USP53: variants seen among roughly 807,000 people sequenced by gnomAD.
USP53 encodes ubiquitin carboxyl-terminal hydrolase 53.
In USP53, 71 loss-of-function variants were observed where a neutral mutation model predicts 94.9. The ratio of observed to expected loss-of-function variants is 0.75; its 90% CI spans 0.62 to 0.91. The LOEUF (loss-of-function observed/expected upper bound fraction) is 0.91, where lower values mean the gene tolerates loss of function less well. USP53 is among the 40% of genes least tolerant of loss of function. USP53 has a pLI of 0.00. For synonymous variants in USP53, 375 were observed against 422.7 expected, an observed-to-expected ratio of 0.89 and a Z score of 1.39; for missense variants, 1,173 against 1,281.0, an observed-to-expected ratio of 0.92 and a Z score of 1.29.
intron 3 of USP53, among the ~76,000 whole-genome samples, chr4:119,231,675 G>C (rs1746096464): frequency 6.6e-6 from 1 of 152,136 alleles, no homozygotes; most frequent in Non-Finnish European, 1.5e-5. Context: ...TACAGTGAAA[G>C]GATATAAAGC....
intron 14 of USP53, 130 bp downstream of exon 14, chr4:119,268,550 T>G: frequency 1.1e-6 from 1 of 932,346 alleles, no homozygotes; most frequent in Non-Finnish European, 1.5e-6. Flanking sequence ...AAAATTCGTC[T>G]TTTGATTTAT....
rs1175894917 is a variant in USP53, at chr4:119,292,754, C to T, written c.2765C>T (p.Pro922Leu). 1 of 1,614,022 alleles carries T rather than the reference C, an allele frequency of 6.2e-7. No homozygotes were observed. The highest frequency in any genetic ancestry group is 1.3e-5 in the African/African-American group (1 of 74,992). ...AAACTTTTTTGCCAGAATCTACCACCCCCTTTGCCACCAAAGAAATATGCT... is the reference window on the plus strand; with the variant it reads ...AAACTTTTTTGCCAGAATCTACCACTCCCTTTGCCACCAAAGAAATATGCT... Reference protein sequence around the residue: ...MPKLFCQNLPPPLPPKKYAIT... With the variant: ...MPKLFCQNLPLPLPPKKYAIT... Residue 922 changes from proline (P) to leucine (L), a missense_variant, in exon 19 of 19, where the codon CCC (proline) becomes CTC (leucine). Coordinates refer to ENST00000692078, the MANE Select transcript of USP53 (RefSeq NM_001371395.1).
chr4:119,284,303 A>C (rs1039221680), intron 17 of USP53, among the ~76,000 whole-genome samples: 3 of 151,606 alleles, frequency 2.0e-5, no homozygotes, highest in Non-Finnish European at 3.0e-5. Flanking sequence ...AAAAAAAAAA[A>C]CCCTATTATT....
intron 7 of USP53, among the ~76,000 whole-genome samples, chr4:119,250,218 C>G (rs778964426): frequency 2.6e-5 from 4 of 152,030 alleles, no homozygotes; most frequent in Admixed American, 2.6e-4. Context: ...CTACTAGCAG[C>G]CTTTGCTCAA....
Position 119,294,548 on chromosome 4 carries a change from C to T in USP53, c.*1337C>T, listed in dbSNP as rs894638469. ...GGTTTAGAATAGTTTTATGTTCACT[C>T]CTGATAACTGAGAAACAGAACTAAA... is the stretch of plus-strand genomic sequence containing the variant. On this transcript the variant is annotated 3_prime_UTR_variant, in exon 19 of 19. Coordinates refer to ENST00000692078, the MANE Select transcript of USP53 (RefSeq NM_001371395.1). 6 of 152,056 alleles carry T rather than the reference C, an allele frequency of 3.9e-5. No homozygotes were observed. The highest frequency in any genetic ancestry group is 5.9e-5 in the Non-Finnish European group (4 of 67,950). The allele number at this position is 152,056 out of a possible 1,614,324, so 9.4% of individuals were successfully genotyped here.
intron 2 of USP53, among the ~76,000 whole-genome samples, chr4:119,215,739 T>C (rs1236276838): frequency 2.6e-5 from 4 of 152,318 alleles, no homozygotes; most frequent in Middle Eastern, 6.8e-3. Context: ...TACAAACCAT[T>C]GCATCTGGCT....
rs1561276801 is a variant in USP53, at chr4:119,259,807, T to C, written c.570-13T>C. The C allele has an allele frequency of 6.2e-7, 1 of 1,603,026 alleles. No homozygotes were observed. Among genetic ancestry groups the C allele is most frequent in the Non-Finnish European group, 8.5e-7 (1 of 1,174,780 alleles). ...TTCATAGGCCAGATTTGGGATTGCTTCTTTTTTTGTAGCAATGAGGTTGAA... is the reference window on the plus strand; with the variant it reads ...TTCATAGGCCAGATTTGGGATTGCTCCTTTTTTTGTAGCAATGAGGTTGAA... On this transcript the variant is annotated splice_polypyrimidine_tract_variant and intron_variant, in intron 9 of 18. Coordinates refer to ENST00000692078, the MANE Select transcript of USP53 (RefSeq NM_001371395.1).
intron 3 of USP53, chr4:119,220,763 C>T (rs529108561): frequency 6.6e-6 from 1 of 152,166 alleles, no homozygotes; most frequent in African/African-American, 2.4e-5. Context: ...ACACTTGTTA[C>T]AGATAGGTAC....
intron 2 of USP53, among the ~76,000 whole-genome samples, chr4:119,214,747 T>C (rs1167321520): frequency 6.6e-6 from 1 of 152,142 alleles, no homozygotes. Context: ...TTTGGTACCA[T>C]ATGGTTTACA....
intron 12 of USP53, among the ~76,000 whole-genome samples, chr4:119,266,657 G>A (rs1190034364): frequency 6.6e-6 from 1 of 151,486 alleles, no homozygotes; most frequent in Non-Finnish European, 1.5e-5. Flanking sequence ...TCTTATTAAT[G>A]TGTTGTAGGA....
In USP53 at chr4:119,295,040, G is replaced by T. The variant is rs1358826587; in HGVS notation, c.*1829G>T. The T allele has an allele frequency of 2.0e-5, 3 of 148,888 alleles. No homozygotes were observed. The highest frequency in any genetic ancestry group is 2.0e-4 in the East Asian group (1 of 5,114). The allele number at this position is 148,888 out of a possible 1,614,324, so 9.2% of individuals were successfully genotyped here. On this transcript the variant is annotated 3_prime_UTR_variant, in exon 19 of 19. Transcript: ENST00000692078. ...TTTAATAGCTTTCACAGTTTGTGTA[G>T]TTTTTTTTTTCTATTTGGTTAAGAT... is the stretch of plus-strand genomic sequence containing the variant.
chr4:119,272,556 GAC>G (rs1752002915), intron 16 of USP53: 1 of 152,850 alleles, frequency 6.5e-6, no homozygotes, highest in African/African-American at 2.4e-5. Context: ...TGGGACTACA[GAC>G]ACGCACCACC....
chr4:119,292,260 A>G, intron 18 of USP53, 78 bp from the exon 19 acceptor site: 1 of 1,405,170 alleles, frequency 7.1e-7, no homozygotes, highest in East Asian at 2.5e-5. Context: ...ATCAAACTAC[A>G]AAACAAATGT....
At chr4:119,283,140 T>C (rs1753698628) in intron 17 of USP53, among the ~76,000 whole-genome samples, 1 of 151,980 alleles carries the variant, frequency 6.6e-6, no homozygotes, top group Admixed American at 6.6e-5. Context: ...TTTGGGAACA[T>C]TGTTTAAATT....
At chr4:119,263,803 G>A (rs1412107927) in intron 12 of USP53, among the ~76,000 whole-genome samples, 1 of 152,108 alleles carries the variant, frequency 6.6e-6, no homozygotes, top group Non-Finnish European at 1.5e-5. Flanking sequence ...TGGTCACGGG[G>A]GCTCATGCCT....
At chr4:119,264,587 G>A (rs1750890569) in intron 12 of USP53, among the ~76,000 whole-genome samples, 3 of 152,140 alleles carry the variant, frequency 2.0e-5, no homozygotes. Context: ...ATGATATTCA[G>A]TACATCATTA....
chr4:119,246,882 A>G (rs1399225266), intron 6 of USP53, among the ~76,000 whole-genome samples: 1 of 152,192 alleles, frequency 6.6e-6, no homozygotes, highest in African/African-American at 2.4e-5. Context: ...CATTTTAGAG[A>G]TAAATGTTTC....
At chr4:119,291,401 G>C (rs755928719) in intron 18 of USP53, 140 bp downstream of exon 18, 248 of 495,716 alleles carry the variant, frequency 5.0e-4, no homozygotes, top group Non-Finnish European at 6.4e-4. Flanking sequence ...TTAATACAAT[G>C]TGGATCTAAG....
chr4:119,217,851 T>C (rs892558102), intron 3 of USP53, 178 bp downstream of exon 3: 3 of 152,052 alleles, frequency 2.0e-5, no homozygotes, highest in Admixed American at 6.6e-5. Context: ...GCAAACAATA[T>C]AGAGAACAGA....
Sources: gnomAD v4.1 joint callset for allele counts (sites outside exome capture counted in the v4.1 genomes callset) on GRCh38, gnomAD v4.1.1 for gene constraint, MANE v1.5 for transcripts, NCBI Gene and HGNC (gene_info 2026-07-23, HGNC 2026-07-21) for gene names.